Variants in XIRP2 observed in about 807,000 individuals in gnomAD.
XIRP2 encodes the protein xin actin-binding repeat-containing protein 2.
Under a neutral mutation model 277.0 loss-of-function variants are expected in XIRP2, and 236 were observed. That is an observed-to-expected ratio of 0.85 (90% CI 0.77 to 0.95). The LOEUF (loss-of-function observed/expected upper bound fraction) is 0.95. Among genes scored for constraint, XIRP2 ranks in the 40% least tolerant of loss-of-function variants. The pLI, the probability that XIRP2 is intolerant of heterozygous loss-of-function variation, is 0.00. For synonymous variants in XIRP2, 1,490 were observed against 1,416.5 expected (o/e 1.05, Z -1.17); for missense variants, 4,640 against 4,157.5 (o/e 1.12, Z -3.19).
intron 3 of XIRP2, among the ~76,000 whole-genome samples, chr2:167,156,469 A>T (rs1192948458): frequency 6.6e-6 from 1 of 151,616 alleles, no homozygotes; most frequent in Non-Finnish European, 1.5e-5. Flanking sequence ...GTGCATTCTT[A>T]GAACACTTCT....
chr2:167,087,510 C>T (rs963716918), intron 2 of XIRP2, among the ~76,000 whole-genome samples: 1 of 152,210 alleles, frequency 6.6e-6, no homozygotes, highest in Non-Finnish European at 1.5e-5. Flanking sequence ...CCTAAGCAAG[C>T]CTGGGCAATG....
intron 2 of XIRP2, among the ~76,000 whole-genome samples, chr2:167,087,796 C>A (rs547030627): frequency 2.6e-5 from 4 of 152,166 alleles, no homozygotes; most frequent in Non-Finnish European, 4.4e-5. Flanking sequence ...CGCCCTGCTT[C>A]GGCTCGCGCA....
At chr2:167,095,176 C>T (rs1297208600) in intron 2 of XIRP2, among the ~76,000 whole-genome samples, 1 of 152,164 alleles carries the variant, frequency 6.6e-6, no homozygotes, top group Admixed American at 6.5e-5. Context: ...TATCCTGAGA[C>T]TTTGCTGAAG....
Position 167,245,697 on chromosome 2 carries a change from T to C in XIRP2, c.4305T>C (p.Tyr1435=), listed in dbSNP as rs1559040118. The C allele has an allele frequency of 6.2e-7, 1 of 1,613,576 alleles. No homozygotes were observed. Among genetic ancestry groups the C allele is most frequent in the Non-Finnish European group, 8.5e-7 (1 of 1,179,702 alleles). ...FESENFDKNN[Y]IRTVSVNEIQ... is the part of the protein sequence containing the mutation. ...CTGAAAATTTTGATAAGAATAACTATATACGAACAGTAAGTGTCAATGAAA... is the reference window on the plus strand; with the variant it reads ...CTGAAAATTTTGATAAGAATAACTACATACGAACAGTAAGTGTCAATGAAA... The change falls in exon 9 of 11, where the codon TAT becomes TAC. Residue 1435 remains tyrosine, a synonymous_variant. Transcript: ENST00000409195.
rs961019524 is a variant in XIRP2, at chr2:167,210,716, A to G, written c.563-19A>G. On this transcript the variant is annotated intron_variant, in intron 3 of 10. Coordinates refer to ENST00000409195, the MANE Select transcript of XIRP2 (RefSeq NM_152381.6). ...TAAAGCTTAACACACATGTGTAAGC[A>G]TGCTCTGTTTGCTTTCAGCGACTGC... is the stretch of plus-strand genomic sequence containing the variant. The G allele has an allele frequency of 3.1e-6, 5 of 1,613,828 alleles. No individual in the cohort carries two copies. The highest frequency in any genetic ancestry group is 4.2e-6 in the Non-Finnish European group (5 of 1,179,814).
At chr2:166,977,716 G>C (rs1319455582) in intron 2 of XIRP2, among the ~76,000 whole-genome samples, 1 of 152,160 alleles carries the variant, frequency 6.6e-6, no homozygotes, top group Non-Finnish European at 1.5e-5. Flanking sequence ...TAATCACAAA[G>C]ATGGAGAGGG....
At position 167,247,056 on chromosome 2, in the gene XIRP2, T is replaced by C; in HGVS notation, c.5664T>C (p.Pro1888=). 1 of 1,613,202 alleles carries C rather than the reference T, an allele frequency of 6.2e-7. No individual in the cohort carries two copies. The highest frequency in any genetic ancestry group is 8.5e-7 in the Non-Finnish European group (1 of 1,179,662). The change falls in exon 9 of 11, where the codon CCT becomes CCC. Residue 1888 remains proline, a synonymous_variant. Transcript: ENST00000409195. The part of the protein sequence containing the change: ...SSHRWKESKQ[P]DAIPGDIEKA... ...ATCGATGGAAAGAATCTAAACAGCC[T>C]GATGCCATCCCTGGTGATATTGAAA...
At chr2:167,087,565 C>T (rs531634825) in intron 2 of XIRP2, among the ~76,000 whole-genome samples, 5 of 152,330 alleles carry the variant, frequency 3.3e-5, no homozygotes, top group African/African-American at 1.2e-4. Flanking sequence ...GCAGTTTGAT[C>T]TCAGACTGCT....
At chr2:167,084,268 G>A (rs150217185) in intron 2 of XIRP2, among the ~76,000 whole-genome samples, 6 of 152,176 alleles carry the variant, frequency 3.9e-5, no homozygotes, top group African/African-American at 1.4e-4. Flanking sequence ...TATTGAACCA[G>A]CCTTGCATCC....
At chr2:167,008,530 A>G (rs767188924) in intron 2 of XIRP2, among the ~76,000 whole-genome samples, 7 of 151,662 alleles carry the variant, frequency 4.6e-5, no homozygotes, top group Admixed American at 6.6e-5. Context: ...TTAATAACGG[A>G]GGGCAGCTAT....
At chr2:167,228,884 T>C (rs927485609) in intron 5 of XIRP2, among the ~76,000 whole-genome samples, 3 of 152,218 alleles carry the variant, frequency 2.0e-5, no homozygotes, top group African/African-American at 7.2e-5. Context: ...AACCTATTTG[T>C]TCCTATAGAA....
chr2:167,038,441 A>T (rs1688574418), intron 2 of XIRP2, among the ~76,000 whole-genome samples: 2 of 151,364 alleles, frequency 1.3e-5, no homozygotes, highest in Non-Finnish European at 2.9e-5. Flanking sequence ...TAATATATTA[A>T]ATAACTATTA....
intron 4 of XIRP2, among the ~76,000 whole-genome samples, chr2:167,211,963 G>C (rs1209990216): frequency 2.0e-5 from 3 of 152,134 alleles, no homozygotes; most frequent in African/African-American, 7.2e-5. Context: ...ATGAGAGAGG[G>C]AGACAGAGAA....
intron 2 of XIRP2, among the ~76,000 whole-genome samples, chr2:166,905,954 TTCTC>T: frequency 6.6e-6 from 1 of 152,114 alleles, no homozygotes; most frequent in South Asian, 2.1e-4. Flanking sequence ...GCTTTTTTCT[TTCTC>T]ATGTGACTAC....
At chr2:166,984,410 A>G (rs1686950066) in intron 2 of XIRP2, among the ~76,000 whole-genome samples, 1 of 152,162 alleles carries the variant, frequency 6.6e-6, no homozygotes, top group Non-Finnish European at 1.5e-5. Context: ...CATGTGATAA[A>G]ATCAGTTAAA....
intron 2 of XIRP2, among the ~76,000 whole-genome samples, chr2:167,080,617 T>C (rs1169469318): frequency 6.6e-6 from 1 of 152,184 alleles, no homozygotes; most frequent in East Asian, 1.9e-4. Flanking sequence ...AACATCTCAG[T>C]CTCATTTGAA....
At chr2:167,018,378 T>C (rs770132266) in intron 2 of XIRP2, among the ~76,000 whole-genome samples, 15 of 151,810 alleles carry the variant, frequency 9.9e-5, no homozygotes, top group Admixed American at 2.6e-4. Flanking sequence ...GAAGCAGACA[T>C]CAAAACAGGA....
chr2:167,121,710 C>A (rs1054546488), intron 2 of XIRP2, among the ~76,000 whole-genome samples: 5 of 152,036 alleles, frequency 3.3e-5, no homozygotes, highest in African/African-American at 1.2e-4. Flanking sequence ...GAATTTTATT[C>A]TTGACTGAGA....
chr2:167,219,140 CAT>C (rs1694348269), intron 5 of XIRP2, among the ~76,000 whole-genome samples: 1 of 151,892 alleles, frequency 6.6e-6, no homozygotes, highest in African/African-American at 2.4e-5. Context: ...GATGAGGCGG[CAT>C]ATCAGGTAGA....
Sources: gnomAD v4.1 joint callset for allele counts (sites outside exome capture counted in the v4.1 genomes callset) on GRCh38, gnomAD v4.1.1 for gene constraint, MANE v1.5 for transcripts, NCBI Gene and HGNC (gene_info 2026-07-23, HGNC 2026-07-21) for gene names.